NIPAL2: variants seen among roughly 807,000 people sequenced by gnomAD.
NIPAL2 encodes NIPA-like protein 2.
A neutral mutation model predicts 48.9 loss-of-function variants in NIPAL2; 43 were observed. The ratio of observed to expected loss-of-function variants is 0.88; its 90% CI spans 0.69 to 1.13. The LOEUF is 1.13. NIPAL2 is among the 50% of genes most tolerant of loss of function. NIPAL2 has a pLI of 0.00. For synonymous variants in NIPAL2, 167 were observed against 174.6 expected (o/e 0.96, Z 0.34); for missense variants, 446 against 461.4 (o/e 0.97, Z 0.31).
chr8:98,195,240 C>G (rs991486050), intron 9 of NIPAL2, among the ~76,000 whole-genome samples: 1 of 152,170 alleles, frequency 6.6e-6, no homozygotes, highest in Non-Finnish European at 1.5e-5. Flanking sequence ...TGGCCTTGCC[C>G]AATTATCTTA....
At chr8:98,205,558 C>T (rs1810990979) in intron 6 of NIPAL2, among the ~76,000 whole-genome samples, 1 of 151,344 alleles carries the variant, frequency 6.6e-6, no homozygotes, top group African/African-American at 2.4e-5. Flanking sequence ...GTTATAATTA[C>T]TAGTAGATGG....
chr8:98,250,275 TATAAC>T (rs1055642849), intron 3 of NIPAL2, among the ~76,000 whole-genome samples: 4 of 152,192 alleles, frequency 2.6e-5, no homozygotes, highest in African/African-American at 9.7e-5. Flanking sequence ...GAAAAAAAGT[TATAAC>T]ATAGGAAAGT....
At chr8:98,265,937 G>T (rs1306284652) in intron 1 of NIPAL2, among the ~76,000 whole-genome samples, 2 of 151,750 alleles carry the variant, frequency 1.3e-5, no homozygotes, top group Non-Finnish European at 2.9e-5. Flanking sequence ...ATACACCATG[G>T]AATACTATGC....
intron 4 of NIPAL2, among the ~76,000 whole-genome samples, chr8:98,229,277 C>G (rs1812324043): frequency 6.6e-6 from 1 of 152,200 alleles, no homozygotes; most frequent in African/African-American, 2.4e-5. Flanking sequence ...TCCCTATAAA[C>G]TTGATATTTG....
intron 1 of NIPAL2, among the ~76,000 whole-genome samples, chr8:98,277,431 G>A (rs1005818774): frequency 6.6e-6 from 1 of 152,108 alleles, no homozygotes; most frequent in Non-Finnish European, 1.5e-5. Flanking sequence ...CAGCTAGTTG[G>A]GAGGCTGAGA....
At chr8:98,275,084 T>C (rs1390769880) in intron 1 of NIPAL2, among the ~76,000 whole-genome samples, 1 of 152,146 alleles carries the variant, frequency 6.6e-6, no homozygotes, top group Non-Finnish European at 1.5e-5. Flanking sequence ...GTTAACATCT[T>C]ACACAACTAC....
chr8:98,258,204 A>G (rs150702517), intron 1 of NIPAL2, among the ~76,000 whole-genome samples: 48 of 152,302 alleles, frequency 3.2e-4, no homozygotes, highest in Middle Eastern at 3.4e-3. Flanking sequence ...GAAGATAGAA[A>G]GTAGAATGGT....
intron 5 of NIPAL2, among the ~76,000 whole-genome samples, chr8:98,214,374 T>C (rs1369043718): frequency 6.6e-6 from 1 of 152,010 alleles, no homozygotes; most frequent in East Asian, 1.9e-4. Flanking sequence ...ATGTTGGCCA[T>C]GTTGGTCTTG....
chr8:98,203,731 G>A (rs1446152694), intron 7 of NIPAL2, among the ~76,000 whole-genome samples: 2 of 152,094 alleles, frequency 1.3e-5, no homozygotes, highest in Non-Finnish European at 2.9e-5. Context: ...GCCCTGCTAG[G>A]GACTAGATTG....
chr8:98,256,496 A>C (rs1813902315), intron 1 of NIPAL2, among the ~76,000 whole-genome samples: 1 of 152,226 alleles, frequency 6.6e-6, no homozygotes, highest in Non-Finnish European at 1.5e-5. Context: ...AAGGACTTGA[A>C]TAGCTGTTTC....
At chr8:98,202,978 G>T in intron 8 of NIPAL2, 130 bp downstream of exon 8, 1 of 692,488 alleles carries the variant, frequency 1.4e-6, no homozygotes, top group Non-Finnish European at 2.5e-6. Flanking sequence ...ATTGTCATAG[G>T]GGAAATTCAG....
In NIPAL2 at chr8:98,252,606, T is replaced by C; in HGVS notation, c.233A>G (p.Gln78Arg). The C allele has an allele frequency of 6.2e-7, 1 of 1,612,716 alleles. No homozygotes were observed. Among genetic ancestry groups the C allele is most frequent in the Non-Finnish European group, 8.5e-7 (1 of 1,179,686 alleles). ...QKYSHLQLAQ[Q>R]EHPRPYFKSV... ...CTTGAAGTATGGCCTTGGGTGCTCT[T>C]GTTGTGCCAGCTGAAGGTGAGAATA... is the stretch of plus-strand genomic sequence containing the variant. Residue 78 changes from glutamine to arginine, a missense_variant, in exon 3 of 11, where the codon CAA becomes CGA. Gln to Arg is a conservative substitution (Grantham distance 43, BLOSUM62 1). Transcript: ENST00000430223.
intron 1 of NIPAL2, among the ~76,000 whole-genome samples, chr8:98,281,813 G>T (rs1344592104): frequency 6.6e-6 from 1 of 152,178 alleles, no homozygotes; most frequent in Non-Finnish European, 1.5e-5. Flanking sequence ...TGCTGTGGCC[G>T]TTGTACCAAA....
At chr8:98,196,335 C>T (rs1269234768) in intron 8 of NIPAL2, among the ~76,000 whole-genome samples, 1 of 152,208 alleles carries the variant, frequency 6.6e-6, no homozygotes, top group Non-Finnish European at 1.5e-5. Context: ...CAACTATTCC[C>T]CACCTGCAGT....
At chr8:98,260,685 G>A (rs1308856310) in intron 1 of NIPAL2, among the ~76,000 whole-genome samples, 5 of 152,192 alleles carry the variant, frequency 3.3e-5, no homozygotes, top group Non-Finnish European at 7.4e-5. Flanking sequence ...ACTGCAAGGC[G>A]GCAGCGAGGC....
chr8:98,256,485 A>C (rs1390964980), intron 1 of NIPAL2, among the ~76,000 whole-genome samples: 39 of 152,208 alleles, frequency 2.6e-4, no homozygotes, highest in Non-Finnish European at 2.9e-5. Context: ...AAAAATGGGC[A>C]AAGGACTTGA....
intron 1 of NIPAL2, among the ~76,000 whole-genome samples, chr8:98,275,157 T>C (rs1815387330): frequency 6.6e-6 from 1 of 152,086 alleles, no homozygotes; most frequent in Non-Finnish European, 1.5e-5. Flanking sequence ...TCACCAATTA[T>C]ATATGAACCC....
Position 98,192,718 on chromosome 8 carries a change from AG to A in NIPAL2, c.*259del, listed in dbSNP as rs1810354113. ...TTCCTGCTAGAGCAGCCGGGCTCTG[AG>A]TAAGGTGTAGCTGGCTAGATAATCA... On this transcript the variant is annotated 3_prime_UTR_variant, in exon 11 of 11. Transcript: ENST00000430223. 2.2e-6 allele frequency: 1 copy of A among 462,922 alleles called. No homozygotes were observed. Among genetic ancestry groups the A allele is most frequent in the Non-Finnish European group, 3.9e-6 (1 of 257,968 alleles). The allele number at this position is 462,922 out of a possible 1,614,324, so 28.7% of individuals were successfully genotyped here.
At chr8:98,260,886 A>G (rs1814276519) in intron 1 of NIPAL2, among the ~76,000 whole-genome samples, 1 of 151,082 alleles carries the variant, frequency 6.6e-6, no homozygotes, top group African/African-American at 2.4e-5. Flanking sequence ...CCTGTCTGAC[A>G]GCTTTGAAGA....
Sources: gnomAD v4.1 joint callset for allele counts (sites outside exome capture counted in the v4.1 genomes callset) on GRCh38, gnomAD v4.1.1 for gene constraint, MANE v1.5 for transcripts, NCBI Gene and HGNC (gene_info 2026-07-23, HGNC 2026-07-21) for gene names.